Variants in SHROOM4 observed in about 807,000 individuals in gnomAD.
The protein encoded by SHROOM4 is protein Shroom4.
A neutral mutation model predicts 80.3 loss-of-function variants in SHROOM4; 17 were observed. The ratio of observed to expected loss-of-function variants is 0.21; its 90% CI spans 0.14 to 0.32. The LOEUF is 0.32. Among genes scored for constraint, SHROOM4 ranks in the 10% least tolerant of loss-of-function variants. The probability of loss-of-function intolerance (pLI) is 1.00; values close to 1 mark genes in which losing one functional copy is unlikely to be tolerated. For missense variants in SHROOM4, 993 were observed against 1,140.3 expected (o/e 0.87, Z 1.86); for synonymous variants, 400 against 437.5 (o/e 0.91, Z 1.07).
intron 2 of SHROOM4, among the ~76,000 whole-genome samples, chrX:50,654,910 T>C (rs1240158595): frequency 9.5e-6 from 1 of 105,397 alleles, no homozygotes; most frequent in African/African-American, 3.5e-5. Flanking sequence ...CAGTACCCAA[T>C]AGTTTTCCAG....
chrX:50,619,993 T>C (rs1930506910), intron 5 of SHROOM4, among the ~76,000 whole-genome samples: 1 of 111,413 alleles, frequency 9.0e-6, no homozygotes. Flanking sequence ...TGGAGAATTC[T>C]AGCAAACCCA....
At chrX:50,708,546 A>G (rs914203625) in intron 1 of SHROOM4, among the ~76,000 whole-genome samples, 3 of 112,312 alleles carry the variant, frequency 2.7e-5, no homozygotes, top group South Asian at 7.4e-4. Context: ...TGGGGGAGCC[A>G]GGAGAGGAAA....
intron 4 of SHROOM4, among the ~76,000 whole-genome samples, chrX:50,628,900 C>A (rs1265917510): frequency 8.9e-6 from 1 of 112,042 alleles, no homozygotes; most frequent in Non-Finnish European, 1.9e-5. Context: ...CCACAGCAGT[C>A]CCTGCCTATA....
In SHROOM4 at chrX:50,635,279, C is replaced by T. The variant is rs2147298107; in HGVS notation, c.794G>A (p.Gly265Glu). ...SSRPQEGYQS[G>E]PAKAVRGPPQ... ...TGGGCCCCTGACTGCTTTGGCGGGC[C>T]CTGACTGGTATCCCTCCTGTGGACG... Residue 265 changes from glycine (G) to glutamate (E), a missense_variant, in exon 4 of 9, where the codon GGG becomes GAG. Coordinates refer to ENST00000376020, the MANE Select transcript of SHROOM4 (RefSeq NM_020717.5). 1 of 1,201,240 alleles carries T rather than the reference C, an allele frequency of 8.3e-7. No homozygotes were observed. The highest frequency in any genetic ancestry group is 1.1e-6 in the Non-Finnish European group (1 of 890,170).
chrX:50,694,893 G>A (rs1325383749), intron 2 of SHROOM4, among the ~76,000 whole-genome samples: 2 of 106,886 alleles, frequency 1.9e-5, no homozygotes, highest in Non-Finnish European at 3.8e-5. Flanking sequence ...GAGATTGTGG[G>A]AAGATGCAAG....
At chrX:50,798,210 C>T (rs1194104390) in intron 1 of SHROOM4, among the ~76,000 whole-genome samples, 2 of 111,170 alleles carry the variant, frequency 1.8e-5, no homozygotes, top group African/African-American at 6.5e-5. Context: ...AAAGAACAGG[C>T]ACTCTAAAAT....
At chrX:50,804,608 A>G (rs1436865747) in intron 1 of SHROOM4, among the ~76,000 whole-genome samples, 1 of 112,205 alleles carries the variant, frequency 8.9e-6, no homozygotes, top group Non-Finnish European at 1.9e-5. Context: ...CCCACTTACT[A>G]TATGACTTAG....
At chrX:50,718,050 C>T (rs207478314) in intron 1 of SHROOM4, among the ~76,000 whole-genome samples, 1 of 111,405 alleles carries the variant, frequency 9.0e-6, no homozygotes, top group African/African-American at 3.3e-5. Flanking sequence ...AGAATGGCTC[C>T]ATCTACCAAC....
chrX:50,602,070 T>C (rs949027549), intron 7 of SHROOM4, among the ~76,000 whole-genome samples: 3 of 111,280 alleles, frequency 2.7e-5, no homozygotes, highest in Non-Finnish European at 5.7e-5. Flanking sequence ...ATCTGCCTTG[T>C]TGGGCTGTTC....
intron 1 of SHROOM4, among the ~76,000 whole-genome samples, chrX:50,729,324 C>T (rs1428994790): frequency 1.8e-5 from 2 of 110,868 alleles, no homozygotes; most frequent in African/African-American, 6.5e-5. Context: ...GAAAAAGAGA[C>T]AGAAATTATA....
intron 4 of SHROOM4, among the ~76,000 whole-genome samples, chrX:50,631,104 C>T (rs1475106788): frequency 9.0e-6 from 1 of 111,274 alleles, no homozygotes; most frequent in Admixed American, 9.5e-5. Flanking sequence ...TATAATAAAA[C>T]TATAGACTAA....
At chrX:50,679,571 A>T (rs1437558454) in intron 2 of SHROOM4, among the ~76,000 whole-genome samples, 1 of 111,594 alleles carries the variant, frequency 9.0e-6, no homozygotes, top group Non-Finnish European at 1.9e-5. Context: ...ATTTTTATAG[A>T]TACATAATAA....
intron 2 of SHROOM4, among the ~76,000 whole-genome samples, chrX:50,676,745 C>G (rs782622824): frequency 9.1e-6 from 1 of 109,788 alleles, no homozygotes. Context: ...GGATATAAGC[C>G]CTTGAAAAAA....
downstream of SHROOM4, among the ~76,000 whole-genome samples, chrX:50,585,389 G>A (rs932594859): frequency 5.9e-4 from 66 of 111,402 alleles, no homozygotes; most frequent in African/African-American, 2.1e-3. Flanking sequence ...GGATTTTCAG[G>A]TAGAGGGACC....
At chrX:50,767,025 A>C (rs1433225578) in intron 1 of SHROOM4, among the ~76,000 whole-genome samples, 1 of 112,156 alleles carries the variant, frequency 8.9e-6, no homozygotes, top group East Asian at 2.8e-4. Flanking sequence ...AAGGTTAAAA[A>C]TGATAACATT....
intron 2 of SHROOM4, among the ~76,000 whole-genome samples, chrX:50,644,005 G>A (rs933113933): frequency 3.6e-4 from 40 of 112,550 alleles, no homozygotes; most frequent in Non-Finnish European, 6.6e-4. Flanking sequence ...AGATAAGCCA[G>A]GACTAGCAGC....
intron 5 of SHROOM4, among the ~76,000 whole-genome samples, chrX:50,624,918 A>C (rs1361554294): frequency 2.7e-5 from 3 of 111,994 alleles, no homozygotes; most frequent in Middle Eastern, 4.2e-3. Context: ...TTAATATATT[A>C]ATTAGACACA....
chrX:50,710,008 C>T (rs1183472269), intron 1 of SHROOM4, among the ~76,000 whole-genome samples: 2 of 111,838 alleles, frequency 1.8e-5, no homozygotes, highest in Non-Finnish European at 3.8e-5. Context: ...CTCACATTGC[C>T]AACCAGCAAC....
At chrX:50,658,580 T>C (rs1932390253) in intron 2 of SHROOM4, among the ~76,000 whole-genome samples, 2 of 111,816 alleles carry the variant, frequency 1.8e-5, no homozygotes, top group Non-Finnish European at 3.8e-5. Context: ...TTCCTAGTAC[T>C]TATGGGAAAA....
Sources: allele counts gnomAD v4.1 joint callset (sites outside exome capture counted in the v4.1 genomes callset), GRCh38; gene constraint gnomAD v4.1.1; transcripts MANE v1.5; gene names NCBI Gene and HGNC (gene_info 2026-07-23, HGNC 2026-07-21).